ZFAT: variants seen among roughly 807,000 people sequenced by gnomAD.
ZFAT encodes the protein zinc finger protein ZFAT.
In ZFAT, 64 loss-of-function variants were observed where a neutral mutation model predicts 117.7. The ratio of observed to expected loss-of-function variants is 0.54; its 90% CI spans 0.44 to 0.67. The LOEUF (loss-of-function observed/expected upper bound fraction) is 0.67. ZFAT is among the 30% of genes least tolerant of loss of function. ZFAT has a pLI of 0.00. For missense variants in ZFAT, 1,433 were observed against 1,584.5 expected (o/e 0.90, Z 1.62); for synonymous variants, 679 against 615.0 (o/e 1.10, Z -1.54).
chr8:134,744,391 G>T, the ZFAT span, among the ~76,000 whole-genome samples: 1 of 151,398 alleles, frequency 6.6e-6, no homozygotes, highest in African/African-American at 2.4e-5. Flanking sequence ...TGCCTTGCAG[G>T]TTCAAGCAAT....
the ZFAT span, among the ~76,000 whole-genome samples, chr8:134,825,187 C>G: frequency 6.6e-6 from 1 of 152,318 alleles, no homozygotes; most frequent in Admixed American, 6.5e-5. Flanking sequence ...GCCTCTCTTA[C>G]AATTCACTAC....
At chr8:134,513,135 G>A (rs534041257) in intron 13 of ZFAT, among the ~76,000 whole-genome samples, 4 of 152,216 alleles carry the variant, frequency 2.6e-5, no homozygotes, top group East Asian at 1.9e-4. Flanking sequence ...TACACAGCAC[G>A]TGGAGAGCAC....
intron 7 of ZFAT, chr8:134,599,981 G>C: frequency 2.7e-6 from 1 of 372,596 alleles, no homozygotes; most frequent in Non-Finnish European, 5.2e-6. Flanking sequence ...ACACAAAACT[G>C]TGACAACAGT....
chr8:134,683,010 C>T (rs1833144553), intron 1 of ZFAT, among the ~76,000 whole-genome samples: 1 of 152,212 alleles, frequency 6.6e-6, no homozygotes, highest in African/African-American at 2.4e-5. Context: ...TGGACAAACG[C>T]ACCCTTCCTT....
the ZFAT span, among the ~76,000 whole-genome samples, chr8:134,763,851 T>C: frequency 6.6e-6 from 1 of 152,210 alleles, no homozygotes; most frequent in Non-Finnish European, 1.5e-5. Flanking sequence ...TGGTCCTGTC[T>C]TTCCAGAATC....
At chr8:134,537,740 G>A (rs1821943672) in intron 11 of ZFAT, among the ~76,000 whole-genome samples, 1 of 152,300 alleles carries the variant, frequency 6.6e-6, no homozygotes, top group East Asian at 1.9e-4. Context: ...TAACTGCAGT[G>A]GTATGGACGA....
intron 10 of ZFAT, among the ~76,000 whole-genome samples, chr8:134,568,521 T>C (rs1409511265): frequency 1.3e-5 from 2 of 152,238 alleles, no homozygotes; most frequent in Non-Finnish European, 2.9e-5. Context: ...TCTAAGTTGA[T>C]AAATATTCTG....
Position 134,478,631 on chromosome 8 carries a change from G to A in ZFAT, c.3583C>T (p.Leu1195=), listed in dbSNP as rs140801453. The A allele has an allele frequency of 1.1e-4, 177 of 1,585,738 alleles. No individual in the cohort carries two copies. In the Middle Eastern group the frequency reaches 1.5e-3, roughly 13 times the overall value. Residue 1195 remains leucine, a synonymous_variant, in exon 16 of 16, where the codon CTG becomes TTG. Transcript: ENST00000377838. This position sits in a 1 kb window ranked among gnomAD's most constrained non-coding sequence, Gnocchi z 5.2. ...TCCACGTCGTCGGAGGACACCACCA[G>A]GTGGTGCTGCTCGGCAAGCTCCACG... ...ASVELAEQHH[L]VVSSDDVEGI...
chr8:134,563,468 C>T (rs534866302), intron 11 of ZFAT, among the ~76,000 whole-genome samples: 169 of 152,292 alleles, frequency 1.1e-3, no homozygotes, highest in African/African-American at 3.8e-3. Flanking sequence ...TCTTCAACTA[C>T]AAGAGGGGGA....
chr8:134,715,287 G>C (rs1177244203), upstream of ZFAT, among the ~76,000 whole-genome samples: 1 of 152,210 alleles, frequency 6.6e-6, no homozygotes, highest in Non-Finnish European at 1.5e-5. Flanking sequence ...GTGGACTGTG[G>C]ATGATGGTTC....
chr8:134,692,861 C>T (rs1833648822), intron 1 of ZFAT, among the ~76,000 whole-genome samples: 1 of 152,072 alleles, frequency 6.6e-6, no homozygotes, highest in Non-Finnish European at 1.5e-5. Flanking sequence ...TAGTATAGTC[C>T]AGGACTGAGC....
At chr8:134,639,772 C>T in intron 2 of ZFAT, 1 of 456,256 alleles carries the variant, frequency 2.2e-6, no homozygotes, top group Non-Finnish European at 4.4e-6. Flanking sequence ...ACAAAACACC[C>T]ACCTCGTGTC....
intron 15 of ZFAT, among the ~76,000 whole-genome samples, chr8:134,490,150 C>A (rs889104007): frequency 2.6e-5 from 4 of 152,220 alleles, no homozygotes; most frequent in Admixed American, 2.6e-4. Flanking sequence ...GCATAGAAGT[C>A]TGTGCCTCAG....
At chr8:134,740,315 A>G in the ZFAT span, among the ~76,000 whole-genome samples, 2 of 152,198 alleles carry the variant, frequency 1.3e-5, no homozygotes, top group Non-Finnish European at 2.9e-5. Context: ...AGTGCTAGAC[A>G]TGGGTAAGGA....
At chr8:134,795,737 C>T in the ZFAT span, 4 of 152,164 alleles carry the variant, frequency 2.6e-5, no homozygotes, top group South Asian at 8.3e-4. Context: ...AAGTTTTAAT[C>T]TCTGGTTAAT....
At position 134,602,183 on chromosome 8, in the gene ZFAT, C is replaced by T; in HGVS notation, c.1536G>A (p.Leu512=). 1 of 1,613,490 alleles carries T rather than the reference C, an allele frequency of 6.2e-7. No individual in the cohort carries two copies. The highest frequency in any genetic ancestry group is 1.1e-5 in the South Asian group (1 of 91,056). The change falls in exon 6 of 16, where the codon CTG becomes CTA. Residue 512 remains leucine, a synonymous_variant. Coordinates refer to ENST00000377838, the MANE Select transcript of ZFAT (RefSeq NM_020863.4). ...EPGGDIQQEA[L]GDQLQLVEEE... Reference sequence around the variant, plus strand: ...CTTCCACCAGCTGTAGCTGGTCCCCCAGAGCTTCTTGCTGGATGTCCCCAC... The same window carrying T: ...CTTCCACCAGCTGTAGCTGGTCCCCTAGAGCTTCTTGCTGGATGTCCCCAC...
intron 13 of ZFAT, among the ~76,000 whole-genome samples, chr8:134,513,201 T>TG (rs1819987702): frequency 6.7e-6 from 1 of 150,226 alleles, no homozygotes; most frequent in Non-Finnish European, 1.5e-5. Flanking sequence ...TTTGTGCTTT[T>TG]TTTTTTTTTT....
chr8:134,677,633 A>C (rs1586937884), intron 1 of ZFAT, among the ~76,000 whole-genome samples: 1 of 152,316 alleles, frequency 6.6e-6, no homozygotes, highest in South Asian at 2.1e-4. Flanking sequence ...TAGCAGAGAC[A>C]AAATAAAAAA....
At chr8:134,514,998 C>T (rs1820151720) in intron 13 of ZFAT, among the ~76,000 whole-genome samples, 1 of 152,152 alleles carries the variant, frequency 6.6e-6, no homozygotes, top group Non-Finnish European at 1.5e-5. Flanking sequence ...GTGACGTTCC[C>T]CTCCCTGTGT....
Sources: gnomAD v4.1 joint callset for allele counts (sites outside exome capture counted in the v4.1 genomes callset) on GRCh38, gnomAD v4.1.1 for gene constraint, Gnocchi (gnomAD v3.1) non-coding constraint, MANE v1.5 for transcripts, NCBI Gene and HGNC (gene_info 2026-07-23, HGNC 2026-07-21) for gene names.